Variants in CDH12 observed in about 807,000 individuals in gnomAD.
CDH12 encodes the protein cadherin 12, also known as cadherin-12.
CDH12 carries 41 observed loss-of-function variants against 74.1 expected under a neutral mutation model. The observed-to-expected ratio is 0.55, with a 90% CI of 0.43 to 0.72. CDH12 has a LOEUF of 0.72. Among genes scored for constraint, CDH12 ranks in the 30% least tolerant of loss-of-function variants. The pLI is 0.00. For missense variants in CDH12, 945 were observed against 977.2 expected (o/e 0.97, Z 0.44); for synonymous variants, 399 against 355.0 (o/e 1.12, Z -1.39).
Position 22,329,551 on chromosome 5 carries a change from C to T in CDH12, c.-333+75706G>A, listed in dbSNP as rs551791854. Among the ~76,000 whole-genome samples the T allele has an allele frequency of 2.0e-5, 3 of 152,198 alleles. No homozygotes were observed. The South Asian group carries it at 6.2e-4, about 32-fold the overall frequency. On this transcript the variant is annotated intron_variant, in intron 3 of 14. Transcript: ENST00000382254. ...CACAGAAAAGCAGAATCATCAGAAC[C>T]AAAAATCAGGTGAGCAATCATAGTA... is the stretch of plus-strand genomic sequence containing the variant.
chr5:21,895,017 G>GAAAAAAA (rs36000039), intron 6 of CDH12, among the ~76,000 whole-genome samples: 1 of 145,998 alleles, frequency 6.8e-6, no homozygotes. Context: ...CAAATAAATT[G>GAAAAAAA]AAAAAAAAAA....
At chr5:22,070,372 A>C (rs1038615284) in intron 5 of CDH12, among the ~76,000 whole-genome samples, 3 of 152,158 alleles carry the variant, frequency 2.0e-5, no homozygotes, top group African/African-American at 7.2e-5. Flanking sequence ...AAGTTGACAA[A>C]GGGTGGACTT....
intron 8 of CDH12, among the ~76,000 whole-genome samples, chr5:21,841,935 C>G (rs890993892): frequency 4.0e-5 from 6 of 150,918 alleles, no homozygotes; most frequent in Non-Finnish European, 5.9e-5. Context: ...GTGCAGCGCA[C>G]CAGCATGGCA....
At chr5:22,528,317 T>C (rs543800471) in intron 1 of CDH12, among the ~76,000 whole-genome samples, 13 of 152,226 alleles carry the variant, frequency 8.5e-5, no homozygotes, top group Middle Eastern at 3.4e-3. Context: ...GTCTCTTCCA[T>C]TGGCAAAGAA....
intron 1 of CDH12, among the ~76,000 whole-genome samples, chr5:22,699,953 T>C (rs1289525084): frequency 6.6e-6 from 1 of 152,108 alleles, no homozygotes; most frequent in Non-Finnish European, 1.5e-5. Flanking sequence ...GGCAGGCAGA[T>C]TGTTTGAGGC....
intron 1 of CDH12, among the ~76,000 whole-genome samples, chr5:22,746,288 T>C (rs1018514065): frequency 2.0e-5 from 3 of 152,110 alleles, no homozygotes; most frequent in African/African-American, 7.2e-5. Context: ...TTTCCAATTA[T>C]CAATCCCCCA....
chr5:22,503,919 A>T (rs1736278094), intron 2 of CDH12, among the ~76,000 whole-genome samples: 6 of 152,026 alleles, frequency 3.9e-5, no homozygotes, highest in Admixed American at 3.3e-4. Flanking sequence ...ACTGAGGTTG[A>T]TATAATCATG....
intron 6 of CDH12, among the ~76,000 whole-genome samples, chr5:21,885,517 C>T (rs1003959891): frequency 4.6e-5 from 7 of 152,132 alleles, no homozygotes; most frequent in South Asian, 2.1e-4. Flanking sequence ...TCACCATATA[C>T]GGTCAAACAC....
At chr5:21,970,839 CAAAAAAAAAAAAAAAAAAAA>C (rs1167373938) in intron 6 of CDH12, among the ~76,000 whole-genome samples, 4 of 27,788 alleles carry the variant, frequency 1.4e-4, no homozygotes, top group African/African-American at 2.4e-4. Context: ...GACTCTTTCT[CAAAAAAAAAAAAAAAAAAAA>C]AAAAAAAAAA....
chr5:22,362,632 A>G (rs867201073), intron 3 of CDH12, among the ~76,000 whole-genome samples: 383 of 152,008 alleles, frequency 2.5e-3, no homozygotes, highest in African/African-American at 8.9e-3. Flanking sequence ...ACATGCACAC[A>G]TATGTTTATT....
At chr5:22,631,374 C>A (rs1031679201) in intron 1 of CDH12, among the ~76,000 whole-genome samples, 5 of 152,104 alleles carry the variant, frequency 3.3e-5, no homozygotes, top group African/African-American at 1.2e-4. Flanking sequence ...ATTAGAGACA[C>A]AGAATCAACC....
intron 1 of CDH12, among the ~76,000 whole-genome samples, chr5:22,513,041 G>GATAATA (rs934826504): frequency 6.6e-6 from 1 of 151,908 alleles, no homozygotes; most frequent in African/African-American, 2.4e-5. Context: ...TGTCTAAAAA[G>GATAATA]ATAATAATAA....
At chr5:22,243,742 TTGAG>T (rs1237714209) in intron 3 of CDH12, among the ~76,000 whole-genome samples, 1 of 152,176 alleles carries the variant, frequency 6.6e-6, no homozygotes, top group African/African-American at 2.4e-5. Flanking sequence ...TAACATTTTT[TTGAG>T]GAACGAAATC....
intron 1 of CDH12, among the ~76,000 whole-genome samples, chr5:22,829,703 G>A (rs906559096): frequency 6.6e-6 from 1 of 152,176 alleles, no homozygotes; most frequent in African/African-American, 2.4e-5. Flanking sequence ...TCTACCCCAA[G>A]TAGTCATTGC....
chr5:21,759,994 T>C (rs1364341884), intron 13 of CDH12, among the ~76,000 whole-genome samples: 2 of 152,158 alleles, frequency 1.3e-5, no homozygotes, highest in East Asian at 1.9e-4. Flanking sequence ...GCTCCATCCA[T>C]GTTCCTACAA....
intron 8 of CDH12, among the ~76,000 whole-genome samples, chr5:21,833,223 G>GTTATATAACATATAATATATATTATATA (rs1561225326): frequency 3.6e-3 from 17 of 4,732 alleles, no homozygotes; most frequent in African/African-American, 0.017. Context: ...TATATTATAT[G>GTTATATAACATATAATATATATTATATA]TTATATAACA....
At chr5:22,439,767 G>C (rs1282741787) in intron 2 of CDH12, among the ~76,000 whole-genome samples, 1 of 152,056 alleles carries the variant, frequency 6.6e-6, no homozygotes, top group Non-Finnish European at 1.5e-5. Flanking sequence ...GAAAAGGTCT[G>C]TTATGAGGTT....
rs778677354 is a variant in CDH12 at position 21,816,935 on chromosome 5, G to A, written c.1002+10C>T. ...TTAGTAGTCAACTGTCCCAACATTT[G>A]TCTATATACCTTTTTCAATTTGATG... On this transcript the variant is annotated intron_variant, in intron 9 of 14. Transcript: ENST00000382254. 3 of 1,554,386 alleles carry A rather than the reference G, an allele frequency of 1.9e-6. No homozygotes were observed. Among genetic ancestry groups the A allele is most frequent in the Admixed American group, 1.8e-5 (1 of 54,774 alleles).
At chr5:21,897,497 A>C (rs1464493813) in intron 6 of CDH12, among the ~76,000 whole-genome samples, 1 of 152,224 alleles carries the variant, frequency 6.6e-6, no homozygotes, top group Non-Finnish European at 1.5e-5. Context: ...TAGAGACAGT[A>C]TCATTAGCCT....
Sources: gnomAD v4.1 joint callset for allele counts (sites outside exome capture counted in the v4.1 genomes callset) on GRCh38, gnomAD v4.1.1 for gene constraint, MANE v1.5 for transcripts, NCBI Gene and HGNC (gene_info 2026-07-23, HGNC 2026-07-21) for gene names.